The following ASTN2 variants were observed in gnomAD, a reference collection of about 807,000 sequenced individuals.
The protein encoded by ASTN2 is astrotactin 2.
In ASTN2, 54 loss-of-function variants were observed where a neutral mutation model predicts 139.8. The ratio of observed to expected loss-of-function variants is 0.39; its 90% CI spans 0.31 to 0.48. The LOEUF (loss-of-function observed/expected upper bound fraction) is 0.48. Among genes scored for constraint, ASTN2 ranks in the 20% least tolerant of loss-of-function variants. The pLI, the probability that ASTN2 is intolerant of heterozygous loss-of-function variation, is 0.95. For missense variants in ASTN2, 1,565 were observed against 1,725.1 expected (o/e 0.91, Z 1.64); for synonymous variants, 756 against 719.5 (o/e 1.05, Z -0.81).
intron 5 of ASTN2, among the ~76,000 whole-genome samples, chr9:117,077,631 C>A (rs1006040530): frequency 6.6e-6 from 1 of 152,084 alleles, no homozygotes; most frequent in Non-Finnish European, 1.5e-5. Context: ...ACCTGTAATT[C>A]CAGCTACTTG....
intron 3 of ASTN2, among the ~76,000 whole-genome samples, chr9:117,211,763 C>G (rs75608088): frequency 0.014 from 2,104 of 152,126 alleles, 19 homozygotes; most frequent in Middle Eastern, 0.024. Flanking sequence ...CATAAACAAA[C>G]TAGCTGAAAA....
At chr9:117,179,660 T>C (rs1054061426) in intron 3 of ASTN2, among the ~76,000 whole-genome samples, 1 of 152,160 alleles carries the variant, frequency 6.6e-6, no homozygotes, top group East Asian at 1.9e-4. Flanking sequence ...TGTAACGACA[T>C]GAGGGCTTCC....
At chr9:116,758,044 G>A (rs1829580323) in intron 13 of ASTN2, among the ~76,000 whole-genome samples, 1 of 152,104 alleles carries the variant, frequency 6.6e-6, no homozygotes, top group African/African-American at 2.4e-5. Context: ...AAGCCTGAGA[G>A]ATCAAAATCT....
chr9:116,734,352 G>T (rs1467562995), intron 13 of ASTN2, among the ~76,000 whole-genome samples: 1 of 152,126 alleles, frequency 6.6e-6, no homozygotes, highest in Non-Finnish European at 1.5e-5. Flanking sequence ...AGCAGAGGGA[G>T]GCAGGTTTCA....
intron 1 of ASTN2, among the ~76,000 whole-genome samples, chr9:117,386,661 C>G (rs1057093788): frequency 6.6e-6 from 1 of 152,050 alleles, no homozygotes; most frequent in African/African-American, 2.4e-5. Flanking sequence ...CTGTAAGGTC[C>G]TAGGACGGCA....
intron 10 of ASTN2, among the ~76,000 whole-genome samples, chr9:116,932,876 C>T (rs1418774979): frequency 6.6e-6 from 1 of 151,780 alleles, no homozygotes; most frequent in African/African-American, 2.4e-5. Context: ...CATGGTGGCA[C>T]GCACCTATAA....
In ASTN2 at chr9:117,039,878, A is replaced by C; in HGVS notation, c.1364T>G (p.Met455Arg). 6.2e-7 allele frequency: 1 copy of C among 1,613,890 alleles called. No individual in the cohort carries two copies. Among genetic ancestry groups the C allele is most frequent in the Non-Finnish European group, 8.5e-7 (1 of 1,179,890 alleles). Residue 455 changes from methionine (M) to arginine (R), a missense_variant, in exon 6 of 23, where the codon ATG becomes AGG. This residue lies in a region of ASTN2 where 503 missense variants were observed against 591.7 expected (regional missense o/e 0.85). Transcript: ENST00000313400. ...CILAMVCGSQ[M>R]SCPLTVKVTL... ...CACCTTCACAGTGAGTGGACAAGAC[A>C]TCTGGCTGCCACACACCATGGCCAG...
chr9:116,856,055 T>C (rs1286537542), intron 11 of ASTN2, among the ~76,000 whole-genome samples: 1 of 152,158 alleles, frequency 6.6e-6, no homozygotes, highest in African/African-American at 2.4e-5. Context: ...GAAGACACCA[T>C]GGGGGCGATA....
intron 1 of ASTN2, among the ~76,000 whole-genome samples, chr9:117,303,281 T>C (rs1021709078): frequency 1.3e-5 from 2 of 152,112 alleles, no homozygotes; most frequent in Admixed American, 6.5e-5. Flanking sequence ...TGATACAAGA[T>C]TAAAATAGAA....
intron 3 of ASTN2, among the ~76,000 whole-genome samples, chr9:117,153,636 A>G (rs1040804370): frequency 6.6e-6 from 1 of 152,162 alleles, no homozygotes; most frequent in African/African-American, 2.4e-5. Context: ...CTTATTTTGC[A>G]GTGGGAACAA....
Position 116,651,760 on chromosome 9 carries a change from T to C in ASTN2, c.2840A>G (p.Lys947Arg). The change falls in exon 17 of 23, where the codon AAG (lysine) becomes AGG (arginine). Residue 947 changes from lysine (K) to arginine (R), a missense_variant. Lys to Arg is a conservative substitution (Grantham distance 26). Around this residue, in one of 4 missense-constraint regions of ASTN2, gnomAD observed 48 missense variants for 90.7 expected, o/e 0.53. Coordinates refer to ENST00000313400, the MANE Select transcript of ASTN2 (RefSeq NM_001365068.1). ...GAGGTAGGTGATGAAGGGCATGGACTTGAGCTCCTTCTTGCTGCCCAGCTC... is the reference window on the plus strand; with the variant it reads ...GAGGTAGGTGATGAAGGGCATGGACCTGAGCTCCTTCTTGCTGCCCAGCTC... ...TTELGSKKEL[K>R]SMPFITYLSG... 6.2e-7 allele frequency: 1 copy of C among 1,614,120 alleles called. No homozygotes were observed. Among genetic ancestry groups the C allele is most frequent in the Non-Finnish European group, 8.5e-7 (1 of 1,179,994 alleles).
At position 117,343,051 on chromosome 9, in the gene ASTN2, C is replaced by T. The variant is rs145518672; in HGVS notation, c.443-51538G>A. Among the ~76,000 whole-genome samples the T allele has an allele frequency of 3.1e-3, 473 of 152,300 alleles. 1 individual carries two copies. The highest frequency in any genetic ancestry group is 6.8e-3 in the Middle Eastern group (2 of 294). On this transcript the variant is annotated intron_variant, in intron 1 of 22. Transcript: ENST00000313400. Reference sequence around the variant, plus strand: ...CCCTCACTGCATCTCACACTCACTTCAGAAAAACTAAAGTAGGAAGAGTCA... The same window carrying T: ...CCCTCACTGCATCTCACACTCACTTTAGAAAAACTAAAGTAGGAAGAGTCA...
chr9:117,365,854 T>C (rs1489782165), intron 1 of ASTN2, among the ~76,000 whole-genome samples: 2 of 152,102 alleles, frequency 1.3e-5, no homozygotes, highest in Non-Finnish European at 2.9e-5. Context: ...GGTTTGGAGG[T>C]ATCTTAGGCA....
intron 1 of ASTN2, among the ~76,000 whole-genome samples, chr9:117,304,451 T>C (rs1834950739): frequency 6.6e-6 from 1 of 152,174 alleles, no homozygotes; most frequent in Non-Finnish European, 1.5e-5. Context: ...AACACCTAGC[T>C]CAGAGTTGGT....
At chr9:116,632,232 A>AGAAAGAAG (rs1554723330) in intron 17 of ASTN2, among the ~76,000 whole-genome samples, 115 of 130,686 alleles carry the variant, frequency 8.8e-4, no homozygotes, top group African/African-American at 2.3e-3. Context: ...AAAGAAAGAA[A>AGAAAGAAG]GAAAGAAAGA....
intron 2 of ASTN2, among the ~76,000 whole-genome samples, chr9:117,272,349 A>C (rs1410803634): frequency 6.6e-6 from 1 of 152,196 alleles, no homozygotes; most frequent in Non-Finnish European, 1.5e-5. Context: ...CCAGCCCACA[A>C]ACCACTGTTT....
At chr9:117,223,746 T>C (rs976342299) in intron 2 of ASTN2, among the ~76,000 whole-genome samples, 1 of 152,242 alleles carries the variant, frequency 6.6e-6, no homozygotes, top group Non-Finnish European at 1.5e-5. Flanking sequence ...TATTCACATT[T>C]GTAAAAATAT....
chr9:116,861,214 TACACACACACACACACACACACACACAC>T (rs60909208), intron 11 of ASTN2, among the ~76,000 whole-genome samples: 4 of 143,772 alleles, frequency 2.8e-5, no homozygotes, highest in Non-Finnish European at 4.5e-5. Flanking sequence ...AAGCCCAAGC[TACACACACACACACACACACACACACAC>T]ACACACACAC....
chr9:116,953,549 G>A (rs1339126228), intron 10 of ASTN2, among the ~76,000 whole-genome samples: 4 of 152,162 alleles, frequency 2.6e-5, no homozygotes, highest in Non-Finnish European at 5.9e-5. Flanking sequence ...GTTAGGACCC[G>A]AATTACAGAG....
Sources: gnomAD v4.1 joint callset for allele counts (sites outside exome capture counted in the v4.1 genomes callset) on GRCh38, gnomAD v4.1.1 for gene constraint, gnomAD v4.1.1 regional missense constraint, MANE v1.5 for transcripts, NCBI Gene and HGNC (gene_info 2026-07-23, HGNC 2026-07-21) for gene names.